Variants in PRUNE2 observed in about 807,000 individuals in gnomAD.
The protein encoded by PRUNE2 is prune homolog 2 with BCH domain, also known as protein prune homolog 2.
A neutral mutation model predicts 252.0 loss-of-function variants in PRUNE2; 164 were observed. The observed-to-expected ratio is 0.65, with a 90% CI of 0.57 to 0.74. The LOEUF (loss-of-function observed/expected upper bound fraction) is 0.74. PRUNE2 is among the 30% of genes least tolerant of loss of function. PRUNE2 has a pLI of 0.00. For synonymous variants in PRUNE2, 1,292 were observed against 1,350.2 expected (o/e 0.96, Z 0.94); for missense variants, 3,495 against 3,711.0 (o/e 0.94, Z 1.51).
At chr9:76,696,779 C>A (rs931913405) in intron 9 of PRUNE2, among the ~76,000 whole-genome samples, 3 of 152,190 alleles carry the variant, frequency 2.0e-5, no homozygotes, top group African/African-American at 7.2e-5. Flanking sequence ...GGGGAAGAGG[C>A]GGGAGTGCCT....
At chr9:76,808,395 A>G (rs1298420770) in intron 6 of PRUNE2, among the ~76,000 whole-genome samples, 2 of 152,222 alleles carry the variant, frequency 1.3e-5, no homozygotes, top group African/African-American at 4.8e-5. Context: ...GGGATATCCC[A>G]ACAAGTGCCT....
At chr9:76,806,372 T>C (rs1304547046) in intron 6 of PRUNE2, among the ~76,000 whole-genome samples, 1 of 152,232 alleles carries the variant, frequency 6.6e-6, no homozygotes, top group East Asian at 1.9e-4. Flanking sequence ...GGATACACTG[T>C]TATGGTGTTA....
chr9:76,710,273 A>C lies in PRUNE2; in HGVS notation c.2001T>G (p.Ile667Met). 1 of 1,613,964 alleles carries C rather than the reference A, an allele frequency of 6.2e-7. No individual in the cohort carries two copies. Among genetic ancestry groups the C allele is most frequent in the Non-Finnish European group, 8.5e-7 (1 of 1,179,886 alleles). ...WGGLEIDSKN[I>M]ADAWSSSEQE... ...GTTCACTGGAACTCCACGCATCTGCAATATTTTTGGAGTCAATTTCCAAAC... is the reference window on the plus strand; with the variant it reads ...GTTCACTGGAACTCCACGCATCTGCCATATTTTTGGAGTCAATTTCCAAAC... Residue 667 changes from isoleucine (I) to methionine (M), a missense_variant, in exon 8 of 19, where the codon ATT (isoleucine) becomes ATG (methionine). Physicochemically the swap from Ile to Met is conservative, Grantham distance 10. Coordinates refer to ENST00000376718, the MANE Select transcript of PRUNE2 (RefSeq NM_015225.3).
At chr9:76,872,643 A>ACC (rs1554820936) in intron 1 of PRUNE2, among the ~76,000 whole-genome samples, 36 of 147,002 alleles carry the variant, frequency 2.4e-4, no homozygotes, top group South Asian at 1.1e-3. Context: ...ACACACACAC[A>ACC]CCCTCACACC....
chr9:76,887,045 G>C (rs937052652), intron 1 of PRUNE2, among the ~76,000 whole-genome samples: 3 of 152,112 alleles, frequency 2.0e-5, no homozygotes, highest in Non-Finnish European at 4.4e-5. Context: ...CCCTTATGAA[G>C]GAGCGTCTTT....
At chr9:76,891,709 A>ATG (rs1186707150) in intron 1 of PRUNE2, among the ~76,000 whole-genome samples, 2 of 152,196 alleles carry the variant, frequency 1.3e-5, no homozygotes, top group East Asian at 3.8e-4. Context: ...TATGCTCTCA[A>ATG]TGAGACCTTC....
intron 9 of PRUNE2, among the ~76,000 whole-genome samples, chr9:76,666,842 A>G (rs1401092711): frequency 2.0e-5 from 3 of 152,102 alleles, no homozygotes; most frequent in Admixed American, 6.6e-5. Context: ...GCTGGACCCT[A>G]CAGAGATCAG....
At chr9:76,649,086 C>G (rs1305187815) in intron 11 of PRUNE2, among the ~76,000 whole-genome samples, 2 of 152,158 alleles carry the variant, frequency 1.3e-5, no homozygotes, top group Non-Finnish European at 2.9e-5. Flanking sequence ...CAGGAAAACT[C>G]TGTACTCTCC....
intron 12 of PRUNE2, among the ~76,000 whole-genome samples, chr9:76,642,268 T>C (rs1842946062): frequency 6.6e-6 from 1 of 152,154 alleles, no homozygotes; most frequent in Non-Finnish European, 1.5e-5. Flanking sequence ...GCTGATGATG[T>C]CATTGAGGCC....
rs1278447811 is a variant in PRUNE2, at chr9:76,624,343, AT to A, written c.9188+108del. 8.0e-6 allele frequency: 5 copies of A among 622,260 alleles called. No individual in the cohort carries two copies. The African/African-American group carries it at 9.4e-5, about 12-fold the overall frequency. 38.5% of individuals were successfully genotyped at this position (622,260 alleles called of 1,614,324 possible). On this transcript the variant is annotated intron_variant, in intron 17 of 18. Transcript: ENST00000376718. ...AGGAGAAAGAGAATTTCTAAAGTGC[AT>A]TATTATCAGGAAGCAGGAATAAAAC...
Position 76,729,894 on chromosome 9 carries a change from TA to T in PRUNE2, c.757-16174del, listed in dbSNP as rs1383193187. Among the ~76,000 whole-genome samples, 7 of 152,314 alleles carry T rather than the reference TA, an allele frequency of 4.6e-5. No homozygotes were observed. In the South Asian group the frequency reaches 1.2e-3, roughly 27 times the overall value. On this transcript the variant is annotated intron_variant, in intron 6 of 18. Coordinates refer to ENST00000376718, the MANE Select transcript of PRUNE2 (RefSeq NM_015225.3). Reference sequence around the variant, plus strand: ...TGTGGAATAAAAACTTAGACATATGTAAAAAAATCTGAACACAGACTCCTAC... The same window carrying T: ...TGTGGAATAAAAACTTAGACATATGTAAAAAATCTGAACACAGACTCCTAC...
chr9:76,835,956 C>T (rs1310488427), intron 4 of PRUNE2, among the ~76,000 whole-genome samples: 1 of 152,170 alleles, frequency 6.6e-6, no homozygotes, highest in Non-Finnish European at 1.5e-5. Flanking sequence ...TAAGAACAGT[C>T]GCTTTTCTTT....
chr9:76,703,109 T>C (rs1286956015), intron 9 of PRUNE2, among the ~76,000 whole-genome samples: 1 of 61,164 alleles, frequency 1.6e-5, no homozygotes, highest in Non-Finnish European at 3.7e-5. Context: ...GGGGTAGGTA[T>C]AAGACTGAAT....
chr9:76,905,853 C>T, intron 1 of PRUNE2, 75 bp downstream of exon 1: 1 of 1,587,270 alleles, frequency 6.3e-7, no homozygotes, highest in Non-Finnish European at 8.7e-7. Flanking sequence ...TCCTCTGCTG[C>T]AACACCTTTT....
chr9:76,847,203 G>A (rs2059714483), intron 3 of PRUNE2, among the ~76,000 whole-genome samples: 1 of 151,990 alleles, frequency 6.6e-6, no homozygotes, highest in South Asian at 2.1e-4. Flanking sequence ...GCAGCTGCCT[G>A]TAATCCCAGC....
intron 1 of PRUNE2, among the ~76,000 whole-genome samples, chr9:76,858,642 A>T (rs1348199692): frequency 1.3e-5 from 2 of 152,118 alleles, no homozygotes; most frequent in African/African-American, 2.4e-5. Flanking sequence ...TAGCATTAGG[A>T]GAAATACCTA....
At chr9:76,669,053 G>A (rs73650277) in intron 9 of PRUNE2, among the ~76,000 whole-genome samples, 84 of 151,498 alleles carry the variant, frequency 5.5e-4, no homozygotes, top group African/African-American at 2.0e-3. Flanking sequence ...CTGGATTAGG[G>A]CCTACCCTAA....
At chr9:76,621,563 T>C (rs754827112) in intron 17 of PRUNE2, among the ~76,000 whole-genome samples, 2 of 152,204 alleles carry the variant, frequency 1.3e-5, no homozygotes, top group African/African-American at 2.4e-5. Context: ...AGCAAGAGCA[T>C]AGACCTCCAA....
chr9:76,723,268 G>C (rs1215953473), intron 6 of PRUNE2, among the ~76,000 whole-genome samples: 1 of 152,230 alleles, frequency 6.6e-6, no homozygotes, highest in Non-Finnish European at 1.5e-5. Context: ...GAAAACAGGA[G>C]ATGTGGCATA....
Sources: gnomAD v4.1 joint callset for allele counts (sites outside exome capture counted in the v4.1 genomes callset) on GRCh38, gnomAD v4.1.1 for gene constraint, MANE v1.5 for transcripts, NCBI Gene and HGNC (gene_info 2026-07-23, HGNC 2026-07-21) for gene names.